Variants in YME1L1 observed in about 807,000 individuals in gnomAD.
The protein encoded by YME1L1 is ATP-dependent zinc metalloprotease YME1L1.
In YME1L1, 39 loss-of-function variants were observed where a neutral mutation model predicts 90.4. The ratio of observed to expected loss-of-function variants is 0.43; its 90% CI spans 0.33 to 0.56. The LOEUF (loss-of-function observed/expected upper bound fraction) is 0.56, where lower values mean the gene tolerates loss of function less well. Ranked by LOEUF, YME1L1 falls within the 20% of genes least tolerant of loss-of-function variation. The probability of loss-of-function intolerance (pLI) is 0.03; values close to 1 mark genes in which losing one functional copy is unlikely to be tolerated. For missense variants in YME1L1, 617 were observed against 868.4 expected, an observed-to-expected ratio of 0.71 and a Z score of 3.64; for synonymous variants, 284 against 287.3, an observed-to-expected ratio of 0.99 and a Z score of 0.12.
chr10:27,144,558 T>C (rs2057122249), intron 3 of YME1L1, among the ~76,000 whole-genome samples: 1 of 152,170 alleles, frequency 6.6e-6, no homozygotes, highest in Non-Finnish European at 1.5e-5. Context: ...ACCCACTTAT[T>C]ATACTACCAT....
chr10:27,142,785 G>C (rs528347410), intron 3 of YME1L1, among the ~76,000 whole-genome samples: 2 of 152,034 alleles, frequency 1.3e-5, no homozygotes, highest in Non-Finnish European at 2.9e-5. Flanking sequence ...GCACGACCTC[G>C]GCTCACCGCA....
At chr10:27,112,156 A>G (rs1290628364) in intron 18 of YME1L1, 36 bp from the exon 19 acceptor site, 2 of 1,573,444 alleles carry the variant, frequency 1.3e-6, no homozygotes, top group East Asian at 4.5e-5. Context: ...GCAGCAGCAA[A>G]TGCAGGGATG....
At chr10:27,122,237 A>G (rs182666088) in intron 11 of YME1L1, among the ~76,000 whole-genome samples, 96 of 152,314 alleles carry the variant, frequency 6.3e-4, no homozygotes, top group African/African-American at 2.2e-3. Flanking sequence ...CTGACTACAT[A>G]CCTTCACAAT....
intron 9 of YME1L1, among the ~76,000 whole-genome samples, chr10:27,124,967 G>C (rs1170984815): frequency 6.6e-6 from 1 of 152,150 alleles, no homozygotes; most frequent in African/African-American, 2.4e-5. Flanking sequence ...AGTGATATTA[G>C]CTAAAGTTAT....
intron 4 of YME1L1, among the ~76,000 whole-genome samples, chr10:27,137,670 C>T (rs901304807): frequency 6.6e-6 from 1 of 152,102 alleles, no homozygotes; most frequent in Non-Finnish European, 1.5e-5. Flanking sequence ...CCTTGTTTTA[C>T]TTTGCATTTC....
At chr10:27,126,270 T>A (rs1026851649) in intron 9 of YME1L1, among the ~76,000 whole-genome samples, 1 of 151,874 alleles carries the variant, frequency 6.6e-6, no homozygotes, top group South Asian at 2.1e-4. Context: ...TGGAGTAACC[T>A]CATCTCTACA....
intron 17 of YME1L1, among the ~76,000 whole-genome samples, chr10:27,115,081 T>C (rs938541527): frequency 6.6e-6 from 1 of 150,698 alleles, no homozygotes; most frequent in Non-Finnish European, 1.5e-5. Context: ...TCCACATTCT[T>C]CTGAAAGTAT....
At chr10:27,133,460 G>A (rs1264405842) in intron 7 of YME1L1, among the ~76,000 whole-genome samples, 1 of 152,172 alleles carries the variant, frequency 6.6e-6, no homozygotes, top group Non-Finnish European at 1.5e-5. Flanking sequence ...GGGTTAAGGA[G>A]AAATGCTTAA....
intron 7 of YME1L1, among the ~76,000 whole-genome samples, chr10:27,133,130 A>C (rs1340670654): frequency 3.9e-5 from 6 of 152,216 alleles, no homozygotes; most frequent in Admixed American, 2.0e-4. Context: ...CACATTAATA[A>C]AAAATTGAGG....
At chr10:27,147,544 G>A in intron 2 of YME1L1, 1 of 1,611,384 alleles carries the variant, frequency 6.2e-7, no homozygotes, top group South Asian at 1.1e-5. Flanking sequence ...CCAGTTATCG[G>A]TTGTGTCCAA....
chr10:27,120,799 T>G (rs1432439981), intron 12 of YME1L1, among the ~76,000 whole-genome samples: 1 of 152,190 alleles, frequency 6.6e-6, no homozygotes, highest in Non-Finnish European at 1.5e-5. Context: ...AACAAAAGCA[T>G]GCAGGTAATT....
Position 27,140,915 on chromosome 10 carries a change from G to A in YME1L1, c.430+1472C>T, listed in dbSNP as rs74126906. On this transcript the variant is annotated intron_variant, in intron 4 of 18. Transcript: ENST00000376016. ...AGTTTTCATACCCTAGGTAACACAC[G>A]CTCAGTTTTTATACATCTTCCAACA... is the stretch of plus-strand genomic sequence containing the variant. 2.6e-3 allele frequency among the ~76,000 whole-genome samples: 389 copies of A among 152,184 alleles called. 2 individuals carry two copies. Among genetic ancestry groups the A allele is most frequent in the African/African-American group, 8.8e-3 (365 of 41,522 alleles).
chr10:27,148,747 G>T (rs544136143), intron 2 of YME1L1, among the ~76,000 whole-genome samples, 159 bp downstream of exon 2: 1 of 144,642 alleles, frequency 6.9e-6, no homozygotes, highest in Admixed American at 6.6e-5. Context: ...AAGGCTTCCT[G>T]GTCAATAGTA....
At chr10:27,145,350 G>A in intron 3 of YME1L1, 78 bp downstream of exon 3, 1 of 1,230,274 alleles carries the variant, frequency 8.1e-7, no homozygotes, top group Non-Finnish European at 1.1e-6. Context: ...AAACGCTACT[G>A]TGAAAGCTAA....
At chr10:27,150,548 A>C (rs1417486569) in intron 1 of YME1L1, among the ~76,000 whole-genome samples, 2 of 152,228 alleles carry the variant, frequency 1.3e-5, no homozygotes, top group African/African-American at 4.8e-5. Flanking sequence ...GTAGTAAGGA[A>C]GCCAGCCAAA....
chr10:27,119,563 C>G (rs1204388052), intron 13 of YME1L1, 114 bp from the exon 14 acceptor site: 1 of 1,158,988 alleles, frequency 8.6e-7, no homozygotes, highest in East Asian at 2.8e-5. Flanking sequence ...AATCCCAGCA[C>G]TTTGGGAGGC....
intron 1 of YME1L1, among the ~76,000 whole-genome samples, chr10:27,149,328 T>A (rs2057182198): frequency 6.6e-6 from 1 of 152,194 alleles, no homozygotes; most frequent in African/African-American, 2.4e-5. Flanking sequence ...GACAAGTACT[T>A]GCACATGCAT....
chr10:27,113,950 TA>T lies in YME1L1; in HGVS notation c.2007+570del, dbSNP rs753554943. Among the ~76,000 whole-genome samples the T allele has an allele frequency of 4.4e-3, 516 of 117,482 alleles. 1 individual carries two copies. Among genetic ancestry groups the T allele is most frequent in the African/African-American group, 8.3e-3 (288 of 34,604 alleles). The allele number at this position is 117,482 out of a possible 152,430, so 77.1% of individuals were successfully genotyped here. ...GCCTGGGCAGCAGAATGAGACTCCA[TA>T]AAAAAAAAAAAAAAAATTTATTTGT... On this transcript the variant is annotated intron_variant, in intron 18 of 18. Transcript: ENST00000376016.
intron 12 of YME1L1, among the ~76,000 whole-genome samples, chr10:27,121,008 A>G (rs1054659467): frequency 6.6e-6 from 1 of 151,246 alleles, no homozygotes; most frequent in Admixed American, 6.6e-5. Flanking sequence ...ATTTATTTTA[A>G]AAACCCTCTC....
Sources: allele counts gnomAD v4.1 joint callset (sites outside exome capture counted in the v4.1 genomes callset), GRCh38; gene constraint gnomAD v4.1.1; transcripts MANE v1.5; gene names NCBI Gene and HGNC (gene_info 2026-07-23, HGNC 2026-07-21).